Variants in CCDC30 observed in about 807,000 individuals in gnomAD.
CCDC30 encodes coiled-coil domain-containing protein 30.
In CCDC30, 70 loss-of-function variants were observed where a neutral mutation model predicts 100.2. The observed-to-expected ratio is 0.70, with a 90% confidence interval of 0.58 to 0.85. CCDC30 has a LOEUF of 0.85. CCDC30 is among the 40% of genes least tolerant of loss of function. The pLI, the probability that CCDC30 is intolerant of heterozygous loss-of-function variation, is 0.00. For missense variants in CCDC30, 652 were observed against 771.2 expected (o/e 0.85, Z 1.83); for synonymous variants, 233 against 269.5 (o/e 0.86, Z 1.33).
chr1:42,499,014 C>A, intron 6 of CCDC30, 98 bp downstream of exon 6: 1 of 548,560 alleles, frequency 1.8e-6, no homozygotes, highest in Non-Finnish European at 2.8e-6. Flanking sequence ...ATTTGCTACT[C>A]TTTCTTATTG....
At chr1:42,656,366 C>A (rs573906864), downstream of CCDC30, among the ~76,000 whole-genome samples, 1 of 152,304 alleles carries the variant, frequency 6.6e-6, no homozygotes, top group East Asian at 1.9e-4. Flanking sequence ...TGCGGTGGCT[C>A]ACGCCTATAA....
intron 7 of CCDC30, among the ~76,000 whole-genome samples, chr1:42,568,446 A>C (rs1645654480): frequency 6.6e-6 from 1 of 152,152 alleles, no homozygotes; most frequent in African/African-American, 2.4e-5. Flanking sequence ...ACAGCCTCAC[A>C]ACCCTAAAGG....
chr1:42,638,623 C>T (rs1056423274), intron 12 of CCDC30, among the ~76,000 whole-genome samples: 2 of 151,540 alleles, frequency 1.3e-5, no homozygotes, highest in South Asian at 4.2e-4. Flanking sequence ...CCTGTAATCC[C>T]AGCACTTTGG....
At chr1:42,463,972 C>T (rs1175754822) in intron 1 of CCDC30, 74 bp downstream of exon 1, 1 of 152,296 alleles carries the variant, frequency 6.6e-6, no homozygotes, top group Admixed American at 6.5e-5. Context: ...GCTTTCTCAT[C>T]CTGCTTATTT....
intron 1 of CCDC30, among the ~76,000 whole-genome samples, chr1:42,467,943 C>A (rs1643643057): frequency 1.3e-5 from 2 of 152,192 alleles, no homozygotes; most frequent in Non-Finnish European, 2.9e-5. Flanking sequence ...GATGAGCAAG[C>A]AGAGGAAGTT....
chr1:42,557,998 G>A (rs1331549197), intron 6 of CCDC30: 1 of 166,350 alleles, frequency 6.0e-6, no homozygotes. Context: ...ACCTGATTGA[G>A]TGTTTATGCT....
chr1:42,517,265 T>G (rs1217849395), intron 6 of CCDC30, among the ~76,000 whole-genome samples: 3 of 152,180 alleles, frequency 2.0e-5, no homozygotes, highest in Non-Finnish European at 2.9e-5. Flanking sequence ...AAAGAAATTG[T>G]AGAGATGGGA....
chr1:42,492,761 C>G (rs967160209), intron 4 of CCDC30, among the ~76,000 whole-genome samples: 1 of 152,096 alleles, frequency 6.6e-6, no homozygotes, highest in Non-Finnish European at 1.5e-5. Context: ...AATTCTCTGC[C>G]TCAGCCTCCC....
At chr1:42,607,054 A>G (rs1646515964) in intron 10 of CCDC30, among the ~76,000 whole-genome samples, 1 of 152,200 alleles carries the variant, frequency 6.6e-6, no homozygotes, top group South Asian at 2.1e-4. Context: ...TGACTCAAGA[A>G]AAAGAGAAGT....
At chr1:42,497,353 C>A in intron 5 of CCDC30, 140 bp downstream of exon 5, 1 of 417,802 alleles carries the variant, frequency 2.4e-6, no homozygotes. Flanking sequence ...CAGGGGGATG[C>A]CATGCTTTGA....
chr1:42,612,272 A>G (rs6664651), intron 11 of CCDC30, among the ~76,000 whole-genome samples: 5,141 of 152,344 alleles, frequency 0.034, 297 homozygotes, highest in African/African-American at 0.12. Flanking sequence ...CAAACAGAAC[A>G]TACAATTACA....
intron 10 of CCDC30, among the ~76,000 whole-genome samples, chr1:42,600,804 CT>C (rs1271351547): frequency 1.5e-5 from 2 of 131,062 alleles, no homozygotes; most frequent in Admixed American, 7.8e-5. Flanking sequence ...ACATTTCCCC[CT>C]GTGCTCTCTC....
intron 6 of CCDC30, chr1:42,539,214 T>C (rs1200215672): frequency 6.2e-7 from 1 of 1,608,712 alleles, no homozygotes; most frequent in East Asian, 2.2e-5. Context: ...GCCTTTATAA[T>C]GAAGTTCACA....
At chr1:42,523,425 T>C (rs960125507) in intron 6 of CCDC30, among the ~76,000 whole-genome samples, 4 of 152,202 alleles carry the variant, frequency 2.6e-5, no homozygotes, top group African/African-American at 9.6e-5. Flanking sequence ...TGCCTTCTGG[T>C]TGCCAAAGTT....
chr1:42,488,667 A>C (rs1041350665), intron 3 of CCDC30, among the ~76,000 whole-genome samples: 2 of 152,222 alleles, frequency 1.3e-5, no homozygotes, highest in Admixed American at 1.3e-4. Context: ...TGACCATAGA[A>C]GTTAATAAAT....
chr1:42,456,830 G>T, the CCDC30 span: 4 of 1,613,312 alleles, frequency 2.5e-6, 1 homozygote, highest in African/African-American at 2.7e-5. Context: ...CGCTCGCTCT[G>T]CCTTCCCCTA....
intron 6 of CCDC30, among the ~76,000 whole-genome samples, chr1:42,506,862 A>G (rs976659664): frequency 6.6e-6 from 1 of 152,242 alleles, no homozygotes; most frequent in Non-Finnish European, 1.5e-5. Context: ...AAAATCTTTC[A>G]TTAACCTTTA....
At chr1:42,510,177 T>C (rs764563617) in intron 6 of CCDC30, 1 of 887,168 alleles carries the variant, frequency 1.1e-6, no homozygotes, top group East Asian at 1.2e-4. Flanking sequence ...TCTCTTCCAA[T>C]TGGGAATGAT....
At chr1:42,482,532 C>G (rs747394457) in intron 2 of CCDC30, 131 bp from the exon 3 acceptor site, 4 of 343,438 alleles carry the variant, frequency 1.2e-5, no homozygotes, top group Non-Finnish European at 1.9e-5. Flanking sequence ...CACACACACT[C>G]ACACACACAA....
Sources: gnomAD v4.1 joint callset for allele counts (sites outside exome capture counted in the v4.1 genomes callset) on GRCh38, gnomAD v4.1.1 for gene constraint, MANE v1.5 for transcripts, NCBI Gene and HGNC (gene_info 2026-07-23, HGNC 2026-07-21) for gene names.